The following PRR16 variants were observed in gnomAD, a reference collection of about 807,000 sequenced individuals.
PRR16 encodes the protein proline rich 16.
In PRR16, 6 loss-of-function variants were observed where a neutral mutation model predicts 18.2. The ratio of observed to expected loss-of-function variants is 0.33; its 90% confidence interval spans 0.18 to 0.65. PRR16 has a LOEUF of 0.65. Among genes scored for constraint, PRR16 ranks in the 30% least tolerant of loss-of-function variants. The pLI is 0.74. For missense variants in PRR16, 412 were observed against 376.6 expected, an observed-to-expected ratio of 1.09 and a Z score of -0.78; for synonymous variants, 151 against 147.8, an observed-to-expected ratio of 1.02 and a Z score of -0.16.
chr5:120,707,387 T>C, the PRR16 span, among the ~76,000 whole-genome samples: 1 of 152,132 alleles, frequency 6.6e-6, no homozygotes, highest in African/African-American at 2.4e-5. Context: ...TGCTGGCCCA[T>C]ATAGGAGGGA....
chr5:120,530,185 A>G (rs1231075432), intron 1 of PRR16, among the ~76,000 whole-genome samples: 1 of 146,026 alleles, frequency 6.8e-6, no homozygotes, highest in Admixed American at 6.9e-5. Flanking sequence ...CAGTGCTTAT[A>G]TATATAGAAT....
chr5:120,636,648 A>G (rs1342408225), intron 1 of PRR16, among the ~76,000 whole-genome samples: 2 of 152,130 alleles, frequency 1.3e-5, no homozygotes, highest in African/African-American at 4.8e-5. Flanking sequence ...TAGATCAAAG[A>G]CTTAAGTCTA....
At chr5:120,553,676 C>T (rs145272756) in intron 1 of PRR16, among the ~76,000 whole-genome samples, 408 of 151,912 alleles carry the variant, frequency 2.7e-3, no homozygotes, top group Non-Finnish European at 4.7e-3. Context: ...GTTACTAACA[C>T]ATACAGACAT....
At chr5:120,666,405 C>T (rs1412460458) in intron 1 of PRR16, among the ~76,000 whole-genome samples, 3 of 151,948 alleles carry the variant, frequency 2.0e-5, no homozygotes, top group Admixed American at 1.3e-4. Context: ...CATCTGCAAA[C>T]AGGGACAATT....
Position 120,684,420 on chromosome 5 carries a change from T to C in PRR16, c.160-1534T>C, listed in dbSNP as rs141789374. ...CATTTTGAGCCCAATCCTGCCACCA[T>C]GTGACAAAGAGCCAACTTCACAGTT... On this transcript the variant is annotated intron_variant, in intron 1 of 1. Coordinates refer to ENST00000407149, the MANE Select transcript of PRR16 (RefSeq NM_001300783.2). Among the ~76,000 whole-genome samples, 95 of 152,262 alleles carry C rather than the reference T, an allele frequency of 6.2e-4. 1 individual carries two copies. Among genetic ancestry groups the C allele is most frequent in the African/African-American group, 2.2e-3 (93 of 41,550 alleles).
At chr5:120,729,885 A>C in the PRR16 span, among the ~76,000 whole-genome samples, 24 of 152,106 alleles carry the variant, frequency 1.6e-4, no homozygotes, top group African/African-American at 5.6e-4. Context: ...CATATCAAGA[A>C]GTTAACTTTT....
At chr5:120,684,074 TAGG>T (rs2150155721) in intron 1 of PRR16, among the ~76,000 whole-genome samples, 1 of 152,282 alleles carries the variant, frequency 6.6e-6, no homozygotes, top group African/African-American at 2.4e-5. Context: ...ATTCGTTATT[TAGG>T]AGCTAAAATA....
At chr5:120,544,693 T>G (rs1022082731) in intron 1 of PRR16, among the ~76,000 whole-genome samples, 8 of 152,098 alleles carry the variant, frequency 5.3e-5, no homozygotes, top group Admixed American at 5.2e-4. Context: ...AAGTCATTCG[T>G]GATTTACCAA....
intron 1 of PRR16, among the ~76,000 whole-genome samples, chr5:120,544,568 A>G (rs915642440): frequency 3.9e-5 from 6 of 152,158 alleles, no homozygotes; most frequent in Admixed American, 3.9e-4. Flanking sequence ...AACTTTATAC[A>G]ATAATATATA....
intron 1 of PRR16, among the ~76,000 whole-genome samples, chr5:120,655,392 A>AG (rs1465219248): frequency 8.2e-4 from 124 of 150,850 alleles, no homozygotes; most frequent in African/African-American, 2.8e-3. Flanking sequence ...TTTTTTTAAA[A>AG]AAAAAGAGGT....
intron 1 of PRR16, chr5:120,481,178 C>G (rs1252208015): frequency 2.1e-6 from 2 of 971,942 alleles, no homozygotes; most frequent in Non-Finnish European, 2.8e-6. Context: ...GATGAAGTCC[C>G]ACTCTGTTGC....
chr5:120,592,461 A>G (rs1753667974), intron 1 of PRR16, among the ~76,000 whole-genome samples: 2 of 152,202 alleles, frequency 1.3e-5, no homozygotes, highest in African/African-American at 4.8e-5. Context: ...CAAACAATAC[A>G]TTAAATTCAT....
chr5:120,681,662 A>G (rs1027781263), intron 1 of PRR16, among the ~76,000 whole-genome samples: 1 of 152,164 alleles, frequency 6.6e-6, no homozygotes, highest in African/African-American at 2.4e-5. Flanking sequence ...GAGCTATAAG[A>G]GCAATACTCT....
chr5:120,719,871 T>G, the PRR16 span, among the ~76,000 whole-genome samples: 1 of 152,038 alleles, frequency 6.6e-6, no homozygotes, highest in African/African-American at 2.4e-5. Flanking sequence ...ACATGTGTTA[T>G]ATCTAATTGA....
chr5:120,652,287 A>C (rs1755818608), intron 1 of PRR16, among the ~76,000 whole-genome samples: 1 of 152,092 alleles, frequency 6.6e-6, no homozygotes, highest in Non-Finnish European at 1.5e-5. Flanking sequence ...GACCTGTGGT[A>C]AATGTTTGTT....
chr5:120,587,443 T>A (rs2112767394), intron 1 of PRR16, among the ~76,000 whole-genome samples: 1 of 152,326 alleles, frequency 6.6e-6, no homozygotes, highest in Non-Finnish European at 1.5e-5. Flanking sequence ...ATTCTGACAC[T>A]GTTTTTAGGG....
At chr5:120,776,706 A>ATAGAT in the PRR16 span, among the ~76,000 whole-genome samples, 2 of 152,170 alleles carry the variant, frequency 1.3e-5, no homozygotes, top group African/African-American at 2.4e-5. Context: ...TAAATTTCTC[A>ATAGAT]TAGATTATAT....
chr5:120,562,818 T>G (rs895110441), intron 1 of PRR16, among the ~76,000 whole-genome samples: 1 of 152,208 alleles, frequency 6.6e-6, no homozygotes, highest in Non-Finnish European at 1.5e-5. Flanking sequence ...ACTTTGTTTT[T>G]TTATGTCTTA....
chr5:120,698,340 A>G, the PRR16 span, among the ~76,000 whole-genome samples: 2 of 152,180 alleles, frequency 1.3e-5, no homozygotes, highest in African/African-American at 4.8e-5. Flanking sequence ...GAGAAGAAAA[A>G]CAGGTATAAA....
Sources: gnomAD v4.1 joint callset for allele counts (sites outside exome capture counted in the v4.1 genomes callset) on GRCh38, gnomAD v4.1.1 for gene constraint, MANE v1.5 for transcripts, NCBI Gene and HGNC (gene_info 2026-07-23, HGNC 2026-07-21) for gene names.